The following PABPC4L variants were observed in gnomAD, a reference collection of about 807,000 sequenced individuals.
PABPC4L encodes poly(A) binding protein cytoplasmic 4 like.
For missense variants in PABPC4L, 452 were observed against 451.4 expected, an observed-to-expected ratio of 1.00 and a Z score of -0.01; for synonymous variants, 169 against 164.1, an observed-to-expected ratio of 1.03 and a Z score of -0.23.
the PABPC4L span, among the ~76,000 whole-genome samples, chr4:134,168,118 A>C: frequency 2.0e-5 from 3 of 152,082 alleles, no homozygotes; most frequent in Non-Finnish European, 2.9e-5. Flanking sequence ...CAATAACAAG[A>C]GGAAATTTGA....
chr4:134,057,122 T>TCAA, the PABPC4L span, among the ~76,000 whole-genome samples: 1 of 152,020 alleles, frequency 6.6e-6, no homozygotes, highest in Non-Finnish European at 1.5e-5. Context: ...TTATTTTGTG[T>TCAA]GTGTACATTG....
At chr4:134,177,147 A>G in the PABPC4L span, among the ~76,000 whole-genome samples, 2 of 150,760 alleles carry the variant, frequency 1.3e-5, no homozygotes, top group Non-Finnish European at 3.0e-5. Context: ...AACCCCTGCT[A>G]GAGCTTCTAT....
chr4:134,182,084 T>C, the PABPC4L span, among the ~76,000 whole-genome samples: 2 of 151,286 alleles, frequency 1.3e-5, no homozygotes, highest in African/African-American at 4.8e-5. Flanking sequence ...AAGACATTCT[T>C]CATAGAACTA....
chr4:133,955,400 T>G, the PABPC4L span, among the ~76,000 whole-genome samples: 1 of 152,172 alleles, frequency 6.6e-6, no homozygotes, highest in African/African-American at 2.4e-5. Context: ...TTTCAACTAT[T>G]AAATAGTTAA....
At chr4:133,974,736 A>T in the PABPC4L span, among the ~76,000 whole-genome samples, 51 of 152,256 alleles carry the variant, frequency 3.3e-4, no homozygotes, top group African/African-American at 1.1e-3. Flanking sequence ...TCTCCAAAGG[A>T]TGTGTACAAA....
chr4:134,059,356 G>A, the PABPC4L span, among the ~76,000 whole-genome samples: 3 of 148,674 alleles, frequency 2.0e-5, no homozygotes, highest in African/African-American at 7.4e-5. Flanking sequence ...AAATTAATTA[G>A]AGAAAAGCAG....
At chr4:133,956,058 T>C in the PABPC4L span, among the ~76,000 whole-genome samples, 2 of 151,336 alleles carry the variant, frequency 1.3e-5, no homozygotes, top group East Asian at 3.9e-4. Context: ...ATGGACTTAT[T>C]AAAAAAAAAT....
At chr4:133,975,032 A>G in the PABPC4L span, among the ~76,000 whole-genome samples, 8 of 152,264 alleles carry the variant, frequency 5.3e-5, no homozygotes, top group East Asian at 9.6e-4. Flanking sequence ...TGTTCACTCA[A>G]TATCTTGTAC....
Position 134,200,344 on chromosome 4 carries a change from T to C in PABPC4L, c.676A>G (p.Ser226Gly). 1.3e-6 allele frequency: 2 copies of C among 1,594,988 alleles called. No homozygotes were observed. Among genetic ancestry groups the C allele is most frequent in the Non-Finnish European group, 1.7e-6 (2 of 1,169,476 alleles). Residue 226 changes from serine to glycine, a missense_variant, in exon 2 of 2, where the codon AGT becomes GGT. Ser to Gly is a moderately conservative substitution (Grantham distance 56). Transcript: ENST00000421491. ...TLSVKVMTDS[S>G]GKSKGFGFVS... The stretch of plus-strand genomic sequence containing the variant: ...AAGCCAAAGCCTTTGGATTTCCCAC[T>C]GGAATCTGTCATCACCTTAACACTC...
the PABPC4L span, among the ~76,000 whole-genome samples, chr4:134,133,522 G>T: frequency 3.1e-4 from 47 of 149,552 alleles, no homozygotes; most frequent in Non-Finnish European, 5.2e-4. Context: ...TGAAATAATG[G>T]CATTTGCAGC....
chr4:134,173,959 A>G, the PABPC4L span, among the ~76,000 whole-genome samples: 2 of 152,124 alleles, frequency 1.3e-5, 1 homozygote, highest in Non-Finnish European at 2.9e-5. Context: ...CTTTGGTAAT[A>G]ACAGCTTAAA....
chr4:134,030,164 T>C, the PABPC4L span, among the ~76,000 whole-genome samples: 1 of 151,954 alleles, frequency 6.6e-6, no homozygotes, highest in Non-Finnish European at 1.5e-5. Flanking sequence ...AAAGGATTAA[T>C]ACAATAAATT....
At chr4:133,950,960 G>A in the PABPC4L span, among the ~76,000 whole-genome samples, 1 of 152,102 alleles carries the variant, frequency 6.6e-6, no homozygotes, top group Admixed American at 6.5e-5. Flanking sequence ...GGCATATTTG[G>A]GATTAGTATA....
chr4:134,081,705 A>T, the PABPC4L span, among the ~76,000 whole-genome samples: 1 of 152,012 alleles, frequency 6.6e-6, no homozygotes, highest in Non-Finnish European at 1.5e-5. Context: ...TTCTACTCTC[A>T]CCTGCTTGGT....
chr4:134,157,636 CATT>C, the PABPC4L span, among the ~76,000 whole-genome samples: 2 of 151,702 alleles, frequency 1.3e-5, no homozygotes, highest in East Asian at 1.9e-4. Flanking sequence ...AATATTTCAT[CATT>C]ATATAATCTA....
the PABPC4L span, among the ~76,000 whole-genome samples, chr4:134,012,250 C>T: frequency 6.6e-6 from 1 of 152,134 alleles, no homozygotes; most frequent in Non-Finnish European, 1.5e-5. Context: ...ATCATATCCC[C>T]TGTGACCTGC....
the PABPC4L span, among the ~76,000 whole-genome samples, chr4:134,089,645 A>T: frequency 6.6e-6 from 1 of 152,162 alleles, no homozygotes; most frequent in African/African-American, 2.4e-5. Context: ...TATCCTTTGA[A>T]CAATACACAA....
At chr4:134,006,227 CT>C in the PABPC4L span, among the ~76,000 whole-genome samples, 7 of 151,724 alleles carry the variant, frequency 4.6e-5, no homozygotes, top group East Asian at 1.4e-3. Context: ...TAATTTTCAT[CT>C]AGTTCAATTT....
At chr4:133,958,595 A>G in the PABPC4L span, among the ~76,000 whole-genome samples, 1 of 152,176 alleles carries the variant, frequency 6.6e-6, no homozygotes, top group Non-Finnish European at 1.5e-5. Context: ...GGTAATTTGT[A>G]AAGAAAAAAG....
Sources: gnomAD v4.1 joint callset for allele counts (sites outside exome capture counted in the v4.1 genomes callset) on GRCh38, gnomAD v4.1.1 for gene constraint, MANE v1.5 for transcripts, NCBI Gene and HGNC (gene_info 2026-07-23, HGNC 2026-07-21) for gene names.